The following PCDH9 variants were observed in gnomAD, a reference collection of about 807,000 sequenced individuals.
PCDH9 encodes protocadherin 9, also known as protocadherin-9.
A neutral mutation model predicts 70.6 loss-of-function variants in PCDH9; 24 were observed. That is an observed-to-expected ratio of 0.34 (90% CI 0.25 to 0.48). The LOEUF (loss-of-function observed/expected upper bound fraction) is 0.48, where lower values mean the gene tolerates loss of function less well. PCDH9 is among the 20% of genes least tolerant of loss of function. PCDH9 has a pLI of 0.99. For synonymous variants in PCDH9, 562 were observed against 558.5 expected, an observed-to-expected ratio of 1.01 and a Z score of -0.09; for missense variants, 1,281 against 1,503.6, an observed-to-expected ratio of 0.85 and a Z score of 2.45.
intron 2 of PCDH9, among the ~76,000 whole-genome samples, chr13:66,927,059 A>T (rs1367998961): frequency 6.6e-6 from 1 of 152,018 alleles, no homozygotes; most frequent in African/African-American, 2.4e-5. Context: ...TCATTTGGGG[A>T]AATTATATTT....
intron 2 of PCDH9, among the ~76,000 whole-genome samples, chr13:67,124,844 C>G (rs2086945405): frequency 6.6e-6 from 1 of 152,114 alleles, no homozygotes; most frequent in African/African-American, 2.4e-5. Context: ...TTTGGATTCT[C>G]TTTGATTTTA....
At chr13:67,113,576 C>T (rs7327691) in intron 2 of PCDH9, among the ~76,000 whole-genome samples, 39,693 of 151,016 alleles carry the variant, frequency 0.26, 5,489 homozygotes, top group East Asian at 0.54. Flanking sequence ...GAGACGGACT[C>T]TCGCTCTGTC....
At chr13:66,738,150 C>G (rs1010744147) in intron 3 of PCDH9, among the ~76,000 whole-genome samples, 1 of 152,222 alleles carries the variant, frequency 6.6e-6, no homozygotes, top group African/African-American at 2.4e-5. Flanking sequence ...GATCTGAGAA[C>G]GGGCAGACGG....
At chr13:66,773,256 C>G (rs1055026719) in intron 3 of PCDH9, among the ~76,000 whole-genome samples, 1 of 152,136 alleles carries the variant, frequency 6.6e-6, no homozygotes, top group Non-Finnish European at 1.5e-5. Flanking sequence ...ATGTGCTCTC[C>G]AATACAGTAG....
chr13:67,158,537 G>GA (rs1158048539), intron 2 of PCDH9, among the ~76,000 whole-genome samples: 2 of 152,112 alleles, frequency 1.3e-5, no homozygotes, highest in Admixed American at 6.5e-5. Context: ...GCCCCTATAT[G>GA]AAAAAGTAGA....
chr13:66,353,386 A>G (rs547138312), intron 4 of PCDH9, among the ~76,000 whole-genome samples: 1 of 152,344 alleles, frequency 6.6e-6, no homozygotes, highest in South Asian at 2.1e-4. Context: ...TAGATAGTTC[A>G]TACATCAACT....
At chr13:67,050,821 A>G (rs2085306799) in intron 2 of PCDH9, among the ~76,000 whole-genome samples, 1 of 152,190 alleles carries the variant, frequency 6.6e-6, no homozygotes, top group South Asian at 2.1e-4. Context: ...GAGCATTTAC[A>G]TTCTCTCAGA....
intron 2 of PCDH9, among the ~76,000 whole-genome samples, chr13:66,923,698 A>C (rs1486035214): frequency 6.6e-6 from 1 of 151,724 alleles, no homozygotes; most frequent in African/African-American, 2.4e-5. Context: ...AATGTCACAA[A>C]GCCAATTGGT....
chr13:67,065,350 A>G (rs2085626421), intron 2 of PCDH9, among the ~76,000 whole-genome samples: 1 of 152,224 alleles, frequency 6.6e-6, no homozygotes, highest in Non-Finnish European at 1.5e-5. Context: ...ATACATGAAA[A>G]CAAATACTTG....
chr13:66,503,129 T>G (rs932971473), intron 4 of PCDH9, among the ~76,000 whole-genome samples: 2 of 152,244 alleles, frequency 1.3e-5, no homozygotes, highest in Non-Finnish European at 2.9e-5. Flanking sequence ...ACATGCTTAT[T>G]ATCTACAATG....
chr13:67,073,129 C>T (rs1566405849), intron 2 of PCDH9, among the ~76,000 whole-genome samples: 3 of 152,194 alleles, frequency 2.0e-5, no homozygotes, highest in East Asian at 1.9e-4. Context: ...TTGCAGGTTA[C>T]GTGGTATATA....
At chr13:66,850,634 T>C (rs919258279) in intron 3 of PCDH9, among the ~76,000 whole-genome samples, 1 of 152,238 alleles carries the variant, frequency 6.6e-6, no homozygotes, top group African/African-American at 2.4e-5. Context: ...TTAAAATCTA[T>C]TGAAGTTTCA....
intron 2 of PCDH9, among the ~76,000 whole-genome samples, chr13:67,011,538 A>G (rs577036023): frequency 2.0e-5 from 3 of 151,956 alleles, no homozygotes; most frequent in African/African-American, 7.2e-5. Flanking sequence ...GCCAAAAATG[A>G]AATATCTTCT....
At chr13:66,502,064 G>A (rs1382507929) in intron 4 of PCDH9, among the ~76,000 whole-genome samples, 1 of 152,080 alleles carries the variant, frequency 6.6e-6, no homozygotes, top group Admixed American at 6.5e-5. Context: ...TGCCAGTTTT[G>A]ATATTCTCTC....
At chr13:67,092,753 G>A (rs572036822) in intron 2 of PCDH9, among the ~76,000 whole-genome samples, 1 of 152,070 alleles carries the variant, frequency 6.6e-6, no homozygotes. Context: ...AATATCCTAG[G>A]AACCAGAGAT....
chr13:66,899,638 A>G (rs552715984), intron 3 of PCDH9, among the ~76,000 whole-genome samples: 1 of 152,012 alleles, frequency 6.6e-6, no homozygotes, highest in Non-Finnish European at 1.5e-5. Flanking sequence ...CTCTGCTTGC[A>G]TTATATACTG....
intron 2 of PCDH9, chr13:67,224,233 G>A (rs1440855528): frequency 6.6e-6 from 1 of 152,326 alleles, no homozygotes; most frequent in Non-Finnish European, 1.5e-5. Flanking sequence ...CTAGCATTAC[G>A]AAATCCTAGA....
intron 3 of PCDH9, among the ~76,000 whole-genome samples, chr13:66,797,958 G>A (rs896816505): frequency 8.0e-6 from 1 of 124,322 alleles, no homozygotes; most frequent in Non-Finnish European, 1.5e-5. Context: ...TGTTTCTTGG[G>A]GGGTGTGTGT....
At chr13:66,588,173 G>C (rs1021571618) in intron 4 of PCDH9, among the ~76,000 whole-genome samples, 5 of 151,850 alleles carry the variant, frequency 3.3e-5, no homozygotes, top group African/African-American at 1.2e-4. Flanking sequence ...TCTCCTGCTT[G>C]AAACAATCTC....
Sources: allele counts gnomAD v4.1 joint callset (sites outside exome capture counted in the v4.1 genomes callset), GRCh38; gene constraint gnomAD v4.1.1; transcripts MANE v1.5; gene names NCBI Gene and HGNC (gene_info 2026-07-23, HGNC 2026-07-21).